LTBP4: variants seen among roughly 807,000 people sequenced by gnomAD.
The protein encoded by LTBP4 is latent transforming growth factor beta binding protein 4.
A neutral mutation model predicts 180.2 loss-of-function variants in LTBP4; 93 were observed. The ratio of observed to expected loss-of-function variants is 0.52; its 90% CI spans 0.44 to 0.61. LTBP4 has a LOEUF of 0.61. LTBP4 is among the 20% of genes least tolerant of loss of function. LTBP4 has a pLI of 0.00. For missense variants in LTBP4, 2,116 were observed against 2,256.5 expected (o/e 0.94, Z 1.26); for synonymous variants, 947 against 934.5 (o/e 1.01, Z -0.24).
Position 40,625,964 on chromosome 19 carries a change from G to A in LTBP4, c.3940G>A (p.Glu1314Lys). 1 of 1,608,706 alleles carries A rather than the reference G, an allele frequency of 6.2e-7. No individual in the cohort carries two copies. Among genetic ancestry groups the A allele is most frequent in the Non-Finnish European group, 8.5e-7 (1 of 1,177,846 alleles). Residue 1314 changes from glutamate (E) to lysine (K), a missense_variant, in exon 27 of 30, where the codon GAG becomes AAG. This residue lies in a region of LTBP4 where 488 missense variants were observed against 458.8 expected (regional missense o/e 1.06). Coordinates refer to ENST00000396819, the MANE Select transcript of LTBP4 (RefSeq NM_001042545.2). Reference protein sequence around the residue: ...TYTECCCLYGEAWGMDCALCP... With the variant: ...TYTECCCLYGKAWGMDCALCP... ...CACAGAGTGCTGCTGCCTGTATGGA[G>A]AGGCCTGGGGCATGGACTGCGCCCT...
chr19:40,620,161 C>A (rs1268343708), intron 22 of LTBP4, among the ~76,000 whole-genome samples: 1 of 151,188 alleles, frequency 6.6e-6, no homozygotes, highest in Non-Finnish European at 1.5e-5. Context: ...GTCAGGTGCC[C>A]GATCACACTG....
At chr19:40,625,793 G>A (rs1212587389) in intron 26 of LTBP4, 64 bp from the exon 27 acceptor site, 13 of 1,410,394 alleles carry the variant, frequency 9.2e-6, no homozygotes, top group Non-Finnish European at 1.2e-5. Context: ...GCAGGGGAAG[G>A]GTCCAGCCCC....
At chr19:40,602,726 A>G (rs1003610021) in intron 1 of LTBP4, among the ~76,000 whole-genome samples, 2 of 151,624 alleles carry the variant, frequency 1.3e-5, no homozygotes, top group Admixed American at 6.6e-5. Context: ...TATGTCCTCA[A>G]CTCCCCGCTT....
upstream of LTBP4, chr19:40,599,954 G>A (rs60807487): frequency 0.024 from 11,655 of 492,042 alleles, 881 homozygotes; most frequent in African/African-American, 0.18. Context: ...AGGTGTTGTG[G>A]GGGGAGGGTT....
At chr19:40,610,822 G>C in intron 12 of LTBP4, 165 bp downstream of exon 12, 1 of 1,067,470 alleles carries the variant, frequency 9.4e-7, no homozygotes, top group Non-Finnish European at 1.3e-6. Flanking sequence ...AGAGACCTGG[G>C]ATGCAGAGGC....
chr19:40,617,950 G>A (rs183574962), intron 21 of LTBP4, among the ~76,000 whole-genome samples: 1 of 152,024 alleles, frequency 6.6e-6, no homozygotes, highest in Non-Finnish European at 1.5e-5. Flanking sequence ...CTAATTTTTT[G>A]GACAGAGTTA....
chr19:40,597,004 T>TCC (rs1023493033), upstream of LTBP4, among the ~76,000 whole-genome samples: 2 of 151,878 alleles, frequency 1.3e-5, no homozygotes, highest in Non-Finnish European at 2.9e-5. Context: ...GAACTCGAGG[T>TCC]CCCCCGCGCC....
At chr19:40,621,276 C>A (rs779830932) in intron 22 of LTBP4, among the ~76,000 whole-genome samples, 1 of 152,100 alleles carries the variant, frequency 6.6e-6, no homozygotes, top group Non-Finnish European at 1.5e-5. Context: ...GTACCTCTGT[C>A]CCTCCCCCAT....
At chr19:40,601,691 C>T (rs1020104131) in intron 1 of LTBP4, 54 bp downstream of exon 1, 35 of 1,255,070 alleles carry the variant, frequency 2.8e-5, no homozygotes, top group Middle Eastern at 2.7e-4. Context: ...AGGAGGATCC[C>T]TGGGGATGGA....
At chr19:40,616,812 C>A in intron 19 of LTBP4, 77 bp from the exon 20 acceptor site, 1 of 1,545,398 alleles carries the variant, frequency 6.5e-7, no homozygotes. Context: ...ACTTCTTAGT[C>A]TTGGGCACCG....
chr19:40,613,757 A>T lies in LTBP4; in HGVS notation c.2558-159A>T. On this transcript the variant is annotated intron_variant, in intron 17 of 29. Coordinates refer to ENST00000396819, the MANE Select transcript of LTBP4 (RefSeq NM_001042545.2). This position sits in a 1 kb window ranked among gnomAD's most constrained non-coding sequence, Gnocchi z 5.0. ...CGTGATTGTAAAGAAGCTGTTCTAA[A>T]CCCGTCGGGGGGCGGTGTTTGCAGG... is the stretch of plus-strand genomic sequence containing the variant. 7.7e-7 allele frequency: 1 copy of T among 1,295,400 alleles called. No homozygotes were observed. Among genetic ancestry groups the T allele is most frequent in the Non-Finnish European group, 1.1e-6 (1 of 929,028 alleles). The allele number at this position is 1,295,400 out of a possible 1,614,324, so 80.2% of individuals were successfully genotyped here.
upstream of LTBP4, among the ~76,000 whole-genome samples, chr19:40,596,921 G>T (rs1043087385): frequency 6.6e-6 from 1 of 151,960 alleles, no homozygotes; most frequent in African/African-American, 2.4e-5. Flanking sequence ...GCACCCCTAC[G>T]CCTGGGACCT....
intron 26 of LTBP4, 116 bp downstream of exon 26, chr19:40,624,198 C>G: frequency 1.6e-6 from 2 of 1,242,872 alleles, no homozygotes; most frequent in Admixed American, 2.8e-5. Flanking sequence ...ATGCTCCTGG[C>G]TCGACCACGC....
chr19:40,605,064 G>A lies in LTBP4; in HGVS notation c.280G>A (p.Gly94Ser), dbSNP rs2081448667. ...GTGTCCCTTGATCTGTCACAATGGC[G>A]GTGTGTGCGTGAAGCCTGACCGCTG... ...FLCPLICHNG[G>S]VCVKPDRCLC... Residue 94 changes from glycine (G) to serine (S), a missense_variant, in exon 2 of 30, where the codon GGT (glycine) becomes AGT (serine). This residue lies in a region of LTBP4 where 469 missense variants were observed against 532.5 expected (regional missense o/e 0.88). Transcript: ENST00000396819. The surrounding 1 kb of genome is among the most constrained non-coding windows in gnomAD (Gnocchi z 5.5). The A allele has an allele frequency of 6.2e-7, 1 of 1,613,516 alleles. No homozygotes were observed. The highest frequency in any genetic ancestry group is 1.3e-5 in the African/African-American group (1 of 74,896).
intron 22 of LTBP4, among the ~76,000 whole-genome samples, chr19:40,619,972 G>C (rs2081574830): frequency 6.6e-6 from 1 of 152,202 alleles, no homozygotes; most frequent in Non-Finnish European, 1.5e-5. Context: ...GCTGTGGGAT[G>C]AATAGAAATG....
chr19:40,610,172 C>G (rs1317251512), intron 11 of LTBP4: 2 of 493,680 alleles, frequency 4.1e-6, no homozygotes, highest in Non-Finnish European at 7.1e-6. Flanking sequence ...CTGACTAACT[C>G]CCTCCCCCAG....
chr19:40,613,030 A>G lies in LTBP4; in HGVS notation c.2300-35A>G. Reference sequence around the variant, plus strand: ...GGGGATTGGTCGGGTGTGTCCCGAGACTGGACCCTTTCTGAACACCCCCAC... The same window carrying G: ...GGGGATTGGTCGGGTGTGTCCCGAGGCTGGACCCTTTCTGAACACCCCCAC... On this transcript the variant is annotated intron_variant, in intron 15 of 29. Transcript: ENST00000396819. This position sits in a 1 kb window ranked among gnomAD's most constrained non-coding sequence, Gnocchi z 5.0. The G allele has an allele frequency of 6.2e-7, 1 of 1,605,964 alleles. No individual in the cohort carries two copies. The highest frequency in any genetic ancestry group is 1.1e-5 in the South Asian group (1 of 89,706).
chr19:40,613,230 G>A lies in LTBP4; in HGVS notation c.2431+34G>A. The stretch of plus-strand genomic sequence containing the variant: ...CATAGGGACCCGCCAGAGAGTCTGG[G>A]AGTAGGGCCTGGGTTCCAGGGCAAA... On this transcript the variant is annotated intron_variant, in intron 16 of 29. Transcript: ENST00000396819. This position sits in a 1 kb window ranked among gnomAD's most constrained non-coding sequence, Gnocchi z 5.0. The A allele has an allele frequency of 6.4e-7, 1 of 1,551,762 alleles. No homozygotes were observed. Among genetic ancestry groups the A allele is most frequent in the Non-Finnish European group, 8.7e-7 (1 of 1,146,254 alleles).
chr19:40,625,252 TTATATATATATATATA>T (rs71173663), intron 26 of LTBP4, among the ~76,000 whole-genome samples: 17 of 44,056 alleles, frequency 3.9e-4, no homozygotes, highest in East Asian at 6.7e-4. Flanking sequence ...ATTTTTGTAT[TTATATATATATATATA>T]TATATATATA....
Sources: allele counts gnomAD v4.1 joint callset (sites outside exome capture counted in the v4.1 genomes callset), GRCh38; gene constraint gnomAD v4.1.1; regional missense constraint gnomAD v4.1.1; non-coding constraint Gnocchi (gnomAD v3.1); transcripts MANE v1.5; gene names NCBI Gene and HGNC (gene_info 2026-07-23, HGNC 2026-07-21).